Variants in MYH16 observed in about 807,000 individuals in gnomAD.
MYH16 encodes the protein putative uncharacterized protein MYH16.
intron 32 of MYH16, among the ~76,000 whole-genome samples, 176 bp from the exon 14 acceptor site, chr7:99,293,842 G>A (rs908468951): frequency 6.6e-6 from 1 of 152,218 alleles, no homozygotes; most frequent in Non-Finnish European, 1.5e-5. Context: ...TTTGTTGAAT[G>A]AATAAATGAG....
rs1445814493 is a variant in MYH16, at chr7:99,297,813, C to G, written n.4636+17C>G. ...TCCCTGGAGGTAACCATGGGGTCAT[C>G]ACCTTGGGGACTGTGGACCCTTGGC... On this transcript the variant is annotated intron_variant and non_coding_transcript_variant, in intron 35 of 41. Transcript: ENST00000439784. 2.2e-6 allele frequency: 1 copy of G among 456,692 alleles called. No individual in the cohort carries two copies. Among genetic ancestry groups the G allele is most frequent in the Admixed American group, 2.3e-5 (1 of 42,580 alleles). 28.3% of individuals were successfully genotyped at this position (456,692 alleles called of 1,614,324 possible).
chr7:99,300,239 C>T (rs1393367537), intron 37 of MYH16, among the ~76,000 whole-genome samples: 5 of 152,192 alleles, frequency 3.3e-5, no homozygotes, highest in East Asian at 1.9e-4. Flanking sequence ...GGATTACAGG[C>T]GTGAGCCACC....
chr7:99,258,569 T>C (rs1425007074), intron 11 of MYH16, among the ~76,000 whole-genome samples: 1 of 152,312 alleles, frequency 6.6e-6, no homozygotes, highest in East Asian at 1.9e-4. Context: ...CCAGCTTCAT[T>C]TGTATGGTGC....
intron 31 of MYH16, among the ~76,000 whole-genome samples, 167 bp downstream of exon 12, chr7:99,291,617 A>ACCCCCCCCCCCCCCCCC (rs34446113): frequency 0.015 from 1,624 of 105,856 alleles, 1 homozygote; most frequent in Non-Finnish European, 0.019. Flanking sequence ...ACACAGCAAG[A>ACCCCCCCCCCCCCCCCC]CCCCCCCCCA....
chr7:99,262,083 C>G (rs1003660594), intron 13 of MYH16, among the ~76,000 whole-genome samples: 7 of 152,228 alleles, frequency 4.6e-5, no homozygotes, highest in African/African-American at 1.7e-4. Context: ...CTTTTTCACT[C>G]ATGACAAACT....
chr7:99,306,222 C>A (rs1224432428), intron 41 of MYH16, among the ~76,000 whole-genome samples, 186 bp downstream of exon 22: 1 of 152,154 alleles, frequency 6.6e-6, no homozygotes, highest in African/African-American at 2.4e-5. Flanking sequence ...AGACACTACA[C>A]ACCAGAGATA....
At chr7:99,247,236 G>C (rs1374270747) in intron 2 of MYH16, among the ~76,000 whole-genome samples, 1 of 152,170 alleles carries the variant, frequency 6.6e-6, no homozygotes, top group Admixed American at 6.5e-5. Flanking sequence ...ACAGTGGCAC[G>C]ATCTTGGCTC....
chr7:99,282,227 T>C (rs561802227), intron 23 of MYH16, among the ~76,000 whole-genome samples: 1 of 152,060 alleles, frequency 6.6e-6, no homozygotes, highest in Non-Finnish European at 1.5e-5. Context: ...GGTTTCACCA[T>C]GTTGGCCAGG....
At chr7:99,256,468 C>CA (rs568356882) in intron 9 of MYH16, among the ~76,000 whole-genome samples, 127 of 150,348 alleles carry the variant, frequency 8.4e-4, no homozygotes, top group Admixed American at 6.4e-3. Context: ...GACCCTATCT[C>CA]AAAAAAAATA....
intron 1 of MYH16, among the ~76,000 whole-genome samples, chr7:99,241,245 G>A (rs984243539): frequency 1.3e-5 from 2 of 152,172 alleles, no homozygotes; most frequent in African/African-American, 4.8e-5. Flanking sequence ...GCACGTGGAC[G>A]AGGACCAGAG....
At chr7:99,299,088 A>C (rs1365044696) in intron 36 of MYH16, among the ~76,000 whole-genome samples, 1 of 85,996 alleles carries the variant, frequency 1.2e-5, no homozygotes, top group South Asian at 3.0e-4. Context: ...AATAAAAATA[A>C]AAAAAAAAAA....
intron 9 of MYH16, among the ~76,000 whole-genome samples, chr7:99,256,256 T>C (rs1171706497): frequency 9.7e-6 from 1 of 103,274 alleles, no homozygotes. Flanking sequence ...CTAGGCAACA[T>C]ACTAAGATCC....
At chr7:99,291,473 G>A (rs1189379958) in intron 31 of MYH16, 23 bp downstream of exon 12, 7 of 455,822 alleles carry the variant, frequency 1.5e-5, no homozygotes, top group East Asian at 1.4e-4. Flanking sequence ...GTGGGGTTGC[G>A]GTGGAGACAG....
At chr7:99,272,125 A>G (rs1017153461) in intron 19 of MYH16, among the ~76,000 whole-genome samples, 1 of 152,168 alleles carries the variant, frequency 6.6e-6, no homozygotes, top group Non-Finnish European at 1.5e-5. Context: ...CTTCCTAGGT[A>G]TTGGGTGTTA....
downstream of MYH16, among the ~76,000 whole-genome samples, chr7:99,308,454 G>A (rs1792712889): frequency 6.6e-6 from 1 of 152,020 alleles, no homozygotes; most frequent in Non-Finnish European, 1.5e-5. Flanking sequence ...TGCCTTCCTG[G>A]TTCCTTATTC....
intron 2 of MYH16, among the ~76,000 whole-genome samples, chr7:99,247,317 C>T (rs1007071522): frequency 1.3e-5 from 2 of 152,184 alleles, no homozygotes; most frequent in Admixed American, 6.6e-5. Context: ...GGATTATAGG[C>T]GTGCACCACC....
At chr7:99,267,949 C>T (rs1011283007) in intron 18 of MYH16, among the ~76,000 whole-genome samples, 4 of 152,228 alleles carry the variant, frequency 2.6e-5, no homozygotes, top group African/African-American at 9.6e-5. Context: ...TCCAAGTTCT[C>T]ACGCATGACG....
chr7:99,270,323 ATTTTT>A (rs1181065806), intron 18 of MYH16, among the ~76,000 whole-genome samples: 1 of 136,248 alleles, frequency 7.3e-6, no homozygotes, highest in Non-Finnish European at 1.6e-5. Flanking sequence ...AGAAAAAAAA[ATTTTT>A]TTTTTTTTTT....
chr7:99,283,991 A>C (rs1398410244), exon 25 of MYH16: 1 of 454,136 alleles, frequency 2.2e-6, no homozygotes, highest in African/African-American at 2.0e-5. Context: ...GAGCGTTCCA[A>C]GCTGGATCTC....
Sources: allele counts gnomAD v4.1 joint callset (sites outside exome capture counted in the v4.1 genomes callset), GRCh38; gene constraint gnomAD v4.1.1; transcripts MANE v1.5; gene names NCBI Gene and HGNC (gene_info 2026-07-23, HGNC 2026-07-21).